The following TCF12 variants were observed in gnomAD, a reference collection of about 807,000 sequenced individuals.
The protein encoded by TCF12 is transcription factor 12, also known as DNA-binding protein HTF4.
In TCF12, 45 loss-of-function variants were observed where a neutral mutation model predicts 86.0. The ratio of observed to expected loss-of-function variants is 0.52; its 90% confidence interval spans 0.41 to 0.67. The LOEUF is 0.67. Ranked by LOEUF, TCF12 falls within the 30% of genes least tolerant of loss-of-function variation. TCF12 has a pLI of 0.00. For missense variants in TCF12, 881 were observed against 859.9 expected (o/e 1.02, Z -0.31); for synonymous variants, 330 against 299.6 (o/e 1.10, Z -1.05).
chr15:56,999,597 G>A (rs1384014222), intron 3 of TCF12, among the ~76,000 whole-genome samples: 1 of 152,064 alleles, frequency 6.6e-6, no homozygotes, highest in African/African-American at 2.4e-5. Flanking sequence ...AATTTGGCCG[G>A]GTGCAGTGGT....
At chr15:57,114,223 G>A (rs1379709110) in intron 5 of TCF12, among the ~76,000 whole-genome samples, 2 of 152,262 alleles carry the variant, frequency 1.3e-5, no homozygotes, top group South Asian at 2.1e-4. Flanking sequence ...GTTACTTGGG[G>A]AAGTGGTTGT....
intron 3 of TCF12, among the ~76,000 whole-genome samples, chr15:57,060,922 C>T (rs1400344122): frequency 6.6e-6 from 1 of 152,154 alleles, no homozygotes; most frequent in South Asian, 2.1e-4. Flanking sequence ...GTCATTGATT[C>T]TAAAAGATGA....
At chr15:57,219,009 T>C in intron 8 of TCF12, 2 of 1,036,564 alleles carry the variant, frequency 1.9e-6, no homozygotes, top group Non-Finnish European at 1.2e-6. Context: ...TCCTGATTAC[T>C]TGATCATGTG....
At chr15:57,187,106 G>C (rs1458588602) in intron 6 of TCF12, among the ~76,000 whole-genome samples, 4 of 152,024 alleles carry the variant, frequency 2.6e-5, no homozygotes, top group African/African-American at 9.7e-5. Context: ...CTTGAACCTG[G>C]AGGTGGACGT....
chr15:57,048,860 A>G (rs1000658082), intron 3 of TCF12, among the ~76,000 whole-genome samples: 1 of 152,158 alleles, frequency 6.6e-6, no homozygotes, highest in Non-Finnish European at 1.5e-5. Flanking sequence ...GCATACACCC[A>G]TCATCAATAT....
chr15:56,993,630 G>A (rs2063559785), intron 3 of TCF12, among the ~76,000 whole-genome samples: 1 of 152,164 alleles, frequency 6.6e-6, no homozygotes, highest in African/African-American at 2.4e-5. Context: ...TGTCACCCAG[G>A]CTAACCATTC....
intron 4 of TCF12, among the ~76,000 whole-genome samples, chr15:57,081,387 A>G (rs1331000605): frequency 2.6e-5 from 4 of 152,092 alleles, no homozygotes; most frequent in Admixed American, 6.5e-5. Flanking sequence ...GATCTGTGTA[A>G]ATTTTCTGTG....
At chr15:57,091,166 G>A (rs956694086) in intron 4 of TCF12, among the ~76,000 whole-genome samples, 2 of 152,096 alleles carry the variant, frequency 1.3e-5, no homozygotes, top group Non-Finnish European at 2.9e-5. Flanking sequence ...TTCTGTAGGA[G>A]TATATATTGT....
At position 57,064,240 on chromosome 15, in the gene TCF12, C is replaced by G. The variant is rs146490948; in HGVS notation, c.222+417C>G. Among the ~76,000 whole-genome samples, 176 of 152,282 alleles carry G rather than the reference C, an allele frequency of 1.2e-3. 4 individuals are homozygous for G. The highest frequency in any genetic ancestry group is 1.7e-3 in the Non-Finnish European group (114 of 68,028). On this transcript the variant is annotated intron_variant, in intron 4 of 20. Coordinates refer to ENST00000333725, the MANE Select transcript of TCF12 (RefSeq NM_207037.2). Reference sequence around the variant, plus strand: ...CCTTTGCATCAGGAACTCAACAGCCCTGCCTCTTGGAAGCATATCAAAACA... The same window carrying G: ...CCTTTGCATCAGGAACTCAACAGCCGTGCCTCTTGGAAGCATATCAAAACA...
chr15:56,961,682 G>C (rs1055589909), intron 3 of TCF12, among the ~76,000 whole-genome samples: 2 of 152,144 alleles, frequency 1.3e-5, no homozygotes, highest in African/African-American at 4.8e-5. Context: ...AAACACTTTA[G>C]ATCTCATACA....
intron 3 of TCF12, among the ~76,000 whole-genome samples, chr15:56,930,870 G>C (rs1368543979): frequency 6.6e-6 from 1 of 152,136 alleles, no homozygotes; most frequent in Non-Finnish European, 1.5e-5. Context: ...TATCTGAAGG[G>C]AGGCCATTGA....
chr15:57,011,079 A>G (rs2064802997), intron 3 of TCF12, among the ~76,000 whole-genome samples: 1 of 152,238 alleles, frequency 6.6e-6, no homozygotes, highest in Admixed American at 6.5e-5. Flanking sequence ...ATGGTTCATA[A>G]GAATTTTGTT....
At chr15:57,101,148 T>C (rs2049714361) in intron 5 of TCF12, among the ~76,000 whole-genome samples, 1 of 152,122 alleles carries the variant, frequency 6.6e-6, no homozygotes. Context: ...TTTGTTGTTT[T>C]TATTTGTGAT....
intron 3 of TCF12, among the ~76,000 whole-genome samples, chr15:57,031,543 T>C (rs2066188767): frequency 6.6e-6 from 1 of 152,192 alleles, no homozygotes; most frequent in South Asian, 2.1e-4. Context: ...TATTCTCCGG[T>C]TCTGGGTAAT....
intron 12 of TCF12, among the ~76,000 whole-genome samples, chr15:57,240,971 A>T (rs1033421141): frequency 6.6e-5 from 10 of 151,022 alleles, no homozygotes; most frequent in African/African-American, 2.4e-4. Context: ...TAATTTACTT[A>T]TGTGGTTGAA....
chr15:56,942,708 G>A (rs963838506), intron 3 of TCF12, among the ~76,000 whole-genome samples: 2 of 152,086 alleles, frequency 1.3e-5, no homozygotes, highest in African/African-American at 4.8e-5. Flanking sequence ...AAAGCATTGA[G>A]GCAAAATCTA....
At chr15:56,943,907 A>G (rs1376101603) in intron 3 of TCF12, among the ~76,000 whole-genome samples, 3 of 152,142 alleles carry the variant, frequency 2.0e-5, no homozygotes, top group African/African-American at 4.8e-5. Context: ...TTCCAGCGGC[A>G]TGAAGCTGGT....
intron 12 of TCF12, among the ~76,000 whole-genome samples, chr15:57,237,357 A>C (rs892807672): frequency 6.6e-6 from 1 of 152,154 alleles, no homozygotes; most frequent in Admixed American, 6.5e-5. Context: ...AATTGGGCTC[A>C]CAGTTCCGGG....
chr15:56,958,672 A>T (rs1460366416), intron 3 of TCF12, among the ~76,000 whole-genome samples: 5 of 65,732 alleles, frequency 7.6e-5, no homozygotes, highest in African/African-American at 2.5e-4. Context: ...AGAGAGAGAG[A>T]GAGAGAGTGT....
Sources: gnomAD v4.1 joint callset for allele counts (sites outside exome capture counted in the v4.1 genomes callset) on GRCh38, gnomAD v4.1.1 for gene constraint, MANE v1.5 for transcripts, NCBI Gene and HGNC (gene_info 2026-07-23, HGNC 2026-07-21) for gene names.